The following CTC1 variants were observed in gnomAD, a reference collection of about 807,000 sequenced individuals.
The protein encoded by CTC1 is CST complex subunit CTC1.
CTC1 carries 91 observed loss-of-function variants against 136.3 expected under a neutral mutation model. The ratio of observed to expected loss-of-function variants is 0.67; its 90% CI spans 0.56 to 0.79. CTC1 has a LOEUF of 0.79. CTC1 is among the 30% of genes least tolerant of loss of function. The pLI is 0.00. For synonymous variants in CTC1, 606 were observed against 613.8 expected (o/e 0.99, Z 0.19); for missense variants, 1,432 against 1,498.1 (o/e 0.96, Z 0.73).
At chr17:8,233,809 C>G (rs1987449266) in intron 10 of CTC1, among the ~76,000 whole-genome samples, 1 of 151,116 alleles carries the variant, frequency 6.6e-6, no homozygotes, top group Non-Finnish European at 1.5e-5. Flanking sequence ...CGGTGGTGAA[C>G]GCCCGTAGTC....
At chr17:8,237,628 G>A in intron 4 of CTC1, 109 bp from the exon 5 acceptor site, 1 of 497,090 alleles carries the variant, frequency 2.0e-6, no homozygotes, top group Non-Finnish European at 3.3e-6. Context: ...TCCCGCCATT[G>A]GACTCCAGCC....
rs12946837 is a variant in CTC1, at chr17:8,247,860, G to A, written c.33+144C>T. ...ACATTCGCAGAACCAGTAAGAGGTA[G>A]GAGCGGACCGACTCACAACCCCCTC... On this transcript the variant is annotated intron_variant, in intron 1 of 22. Coordinates refer to ENST00000651323, the MANE Select transcript of CTC1 (RefSeq NM_025099.6). 41,186 of 747,678 alleles carry A rather than the reference G, an allele frequency of 0.055. 1,490 individuals carry two copies. Among genetic ancestry groups the A allele is most frequent in the Non-Finnish European group, 0.072 (31,224 of 431,418 alleles). 46.3% of individuals were successfully genotyped at this position (747,678 alleles called of 1,614,324 possible).
rs1368659201 is a variant in CTC1, at chr17:8,232,231, T to C, written c.2061-4A>G. The stretch of plus-strand genomic sequence containing the variant: ...CAGAAAGAACTGGACATAGACTCTG[T>C]TGGGAGAGACAAGGAATACATTTCT... On this transcript the variant is annotated splice_polypyrimidine_tract_variant and splice_region_variant and intron_variant, in intron 12 of 22. Coordinates refer to ENST00000651323, the MANE Select transcript of CTC1 (RefSeq NM_025099.6). 7.8e-6 allele frequency: 12 copies of C among 1,535,730 alleles called. No individual in the cohort carries two copies. The highest frequency in any genetic ancestry group is 1.0e-5 in the Non-Finnish European group (12 of 1,144,526).
At chr17:8,232,821 C>A in intron 11 of CTC1, 85 bp downstream of exon 11, 1 of 1,541,552 alleles carries the variant, frequency 6.5e-7, no homozygotes, top group Middle Eastern at 1.7e-4. Flanking sequence ...TCTAGTAAAT[C>A]CCAGCAGGCT....
At chr17:8,245,399 G>A (rs1988592809) in intron 1 of CTC1, among the ~76,000 whole-genome samples, 1 of 152,142 alleles carries the variant, frequency 6.6e-6, no homozygotes, top group South Asian at 2.1e-4. Flanking sequence ...ACTCATTCAT[G>A]GTCAGAGTTG....
At chr17:8,241,484 G>T (rs1342405361) in intron 2 of CTC1, among the ~76,000 whole-genome samples, 1 of 151,142 alleles carries the variant, frequency 6.6e-6, no homozygotes, top group Admixed American at 6.6e-5. Context: ...CTGGTGTGGT[G>T]GCGCATAGTC....
In CTC1 at chr17:8,231,973, C is replaced by A; in HGVS notation, c.2315G>T (p.Gly772Val). 1 of 1,610,790 alleles carries A rather than the reference C, an allele frequency of 6.2e-7. No individual in the cohort carries two copies. The highest frequency in any genetic ancestry group is 1.1e-5 in the South Asian group (1 of 90,728). Residue 772 changes from glycine to valine, a missense_variant, in exon 13 of 23, where the codon GGC (glycine) becomes GTC (valine). Coordinates refer to ENST00000651323, the MANE Select transcript of CTC1 (RefSeq NM_025099.6). ...TCCAGTACCCTCCTTCCTCTGGGTG[C>A]CCCCAAGCCAGCTCCCCAACACATA... ...SFYVLGSWLG[G>V]TQRKEGTGWG...
chr17:8,235,840 C>T lies in CTC1; in HGVS notation c.1197G>A (p.Val399=). Reference sequence around the variant, plus strand: ...CCCTGATCTCACATACCTGCAGACACACTCCAGGTCGCATCACCCGCCTAA... The same window carrying T: ...CCCTGATCTCACATACCTGCAGACATACTCCAGGTCGCATCACCCGCCTAA... ...RGLRRVMRPG[V]CLQLQDVHLL... Residue 399 remains valine, a synonymous_variant, in exon 7 of 23, where the codon GTG becomes GTA. Transcript: ENST00000651323. 1 of 1,608,838 alleles carries T rather than the reference C, an allele frequency of 6.2e-7. No individual in the cohort carries two copies. The highest frequency in any genetic ancestry group is 8.5e-7 in the Non-Finnish European group (1 of 1,176,038).
In CTC1 at chr17:8,230,624, G is replaced by A. The variant is rs551850837; in HGVS notation, c.2697C>T (p.Ser899=). Residue 899 remains serine (S), a synonymous_variant, in exon 16 of 23, where the codon TCC becomes TCT. Transcript: ENST00000651323. Reference sequence around the variant, plus strand: ...ATAGTGTCCGTGACAAAATCTCAGCGGAGAAAGACACCAAGGAATCTGTGA... The same window carrying A: ...ATAGTGTCCGTGACAAAATCTCAGCAGAGAAAGACACCAAGGAATCTGTGA... ...DNFTDSLVSF[S]AEILSRTLCE... The A allele has an allele frequency of 2.9e-5, 47 of 1,614,010 alleles. No individual in the cohort carries two copies. Among genetic ancestry groups the A allele is most frequent in the Non-Finnish European group, 3.6e-5 (42 of 1,180,012 alleles).
chr17:8,229,412 G>C lies in CTC1; in HGVS notation c.3046C>G (p.Leu1016Val). ...PLPHIYLAEL[L>V]QGGQSPFQAT... ...TGGAATGGGGACTGACCACCCTGCA[G>C]AAGTTCAGCCAGGTAGATGTGGGGC... Residue 1016 changes from leucine to valine, a missense_variant, in exon 19 of 23, where the codon CTG becomes GTG. Leu to Val is a conservative substitution (Grantham distance 32). Transcript: ENST00000651323. 1.2e-6 allele frequency: 2 copies of C among 1,613,946 alleles called. No homozygotes were observed. Among genetic ancestry groups the C allele is most frequent in the Non-Finnish European group, 1.7e-6 (2 of 1,179,800 alleles).
Position 8,235,265 on chromosome 17 carries a change from G to C in CTC1, c.1227C>G (p.Leu409=). The C allele has an allele frequency of 6.2e-7, 1 of 1,613,836 alleles. No individual in the cohort carries two copies. The highest frequency in any genetic ancestry group is 1.1e-5 in the South Asian group (1 of 91,084). ...VCLQLQDVHL[L]QSVGGGTRRP... is the part of the protein sequence containing the mutation. ...TTCTTGTCCCCCCTCCCACTGACTG[G>C]AGCAGGTGAACATCCTGGAGCTGGG... Residue 409 remains leucine (L), a synonymous_variant, in exon 8 of 23, where the codon CTC becomes CTG. Coordinates refer to ENST00000651323, the MANE Select transcript of CTC1 (RefSeq NM_025099.6).
intron 2 of CTC1, among the ~76,000 whole-genome samples, chr17:8,242,571 T>C (rs1334219682): frequency 2.8e-5 from 4 of 141,946 alleles, no homozygotes; most frequent in African/African-American, 7.8e-5. Context: ...TATATATATA[T>C]ATATATATAC....
At position 8,226,923 on chromosome 17, in the gene CTC1, C is replaced by T. The variant is rs1986745539; in HGVS notation, c.*1257G>A. Reference sequence around the variant, plus strand: ...TCTGTTACCAGAAGGCAACTGGCTCCGGGTAGAAACTTCCGGATAACAGCA... The same window carrying T: ...TCTGTTACCAGAAGGCAACTGGCTCTGGGTAGAAACTTCCGGATAACAGCA... On this transcript the variant is annotated 3_prime_UTR_variant, in exon 23 of 23. Coordinates refer to ENST00000651323, the MANE Select transcript of CTC1 (RefSeq NM_025099.6). 1 of 152,000 alleles carries T rather than the reference C, an allele frequency of 6.6e-6. No homozygotes were observed. The highest frequency in any genetic ancestry group is 1.5e-5 in the Non-Finnish European group (1 of 68,016). The allele number at this position is 152,000 out of a possible 1,614,324, so 9.4% of individuals were successfully genotyped here. A position where few individuals can be genotyped will look rare whatever the true frequency, so the allele number is the denominator to read the frequency against.
Position 8,236,103 on chromosome 17 carries a change from C to T in CTC1, c.1032G>A (p.Lys344=), listed in dbSNP as rs376394434. Residue 344 remains lysine, a synonymous_variant, in exon 6 of 23, where the codon AAG becomes AAA. Coordinates refer to ENST00000651323, the MANE Select transcript of CTC1 (RefSeq NM_025099.6). ...LPMPSNSEDK[K]DPESLVRYSR... is the part of the protein sequence containing the mutation. ...AATACCGGACAAGACTTTCTGGATC[C>T]TTCTTGTCCTCCGAGTTGCTGGGCA... 21 of 1,614,090 alleles carry T rather than the reference C, an allele frequency of 1.3e-5. No homozygotes were observed. Among genetic ancestry groups the T allele is most frequent in the Non-Finnish European group, 1.7e-5 (20 of 1,180,034 alleles).
At chr17:8,229,850 G>T in intron 18 of CTC1, 41 bp downstream of exon 18, 1 of 1,533,788 alleles carries the variant, frequency 6.5e-7, no homozygotes, top group Non-Finnish European at 9.0e-7. Context: ...AGATGCAGAT[G>T]TGAAGCCAGG....
chr17:8,243,113 G>C lies in CTC1; in HGVS notation c.69C>G (p.Ile23Met). The change falls in exon 2 of 23, where the codon ATC (isoleucine) becomes ATG (methionine). Residue 23 changes from isoleucine to methionine, a missense_variant. Ile to Met is a conservative substitution (Grantham distance 10). Coordinates refer to ENST00000651323, the MANE Select transcript of CTC1 (RefSeq NM_025099.6). ...TGACAGCTGGACACAGGGTCTTTTG[G>C]ATGAAGACCTGAGCATCCTCAAGCC... Reference protein sequence around the residue: ...QAWLEDAQVFIQKTLCPAVKE... With the variant: ...QAWLEDAQVFMQKTLCPAVKE... The C allele has an allele frequency of 6.2e-7, 1 of 1,614,000 alleles. No individual in the cohort carries two copies. Among genetic ancestry groups the C allele is most frequent in the Non-Finnish European group, 8.5e-7 (1 of 1,179,916 alleles).
intron 16 of CTC1, 44 bp from the exon 17 acceptor site, chr17:8,230,512 A>C (rs377454925): frequency 2.5e-6 from 4 of 1,613,542 alleles, no homozygotes; most frequent in African/African-American, 2.7e-5. Flanking sequence ...TGAAGTCCAC[A>C]AAGTCCCATC....
At chr17:8,238,777 C>T in intron 2 of CTC1, 148 bp from the exon 3 acceptor site, 1 of 595,526 alleles carries the variant, frequency 1.7e-6, no homozygotes. Flanking sequence ...AGGGGTAAAA[C>T]CTGGGGCTAA....
chr17:8,236,347 C>T lies in CTC1; in HGVS notation c.793-5G>A, dbSNP rs1464955054. ...CCACACCAGCTGGGCAGGGACCTGG[C>T]TTGTGCAGAGACAGGCAATGTGACA... On this transcript the variant is annotated splice_polypyrimidine_tract_variant and splice_region_variant and intron_variant, in intron 5 of 22. Coordinates refer to ENST00000651323, the MANE Select transcript of CTC1 (RefSeq NM_025099.6). 3 of 1,601,930 alleles carry T rather than the reference C, an allele frequency of 1.9e-6. No homozygotes were observed. The highest frequency in any genetic ancestry group is 2.5e-6 in the Non-Finnish European group (3 of 1,178,198).
Sources: gnomAD v4.1 joint callset for allele counts (sites outside exome capture counted in the v4.1 genomes callset) on GRCh38, gnomAD v4.1.1 for gene constraint, MANE v1.5 for transcripts, NCBI Gene and HGNC (gene_info 2026-07-23, HGNC 2026-07-21) for gene names.